The following MAML3 variants were observed in gnomAD, a reference collection of about 807,000 sequenced individuals.
MAML3 encodes the protein mastermind-like protein 3.
MAML3 carries 27 observed loss-of-function variants against 101.9 expected under a neutral mutation model. The ratio of observed to expected loss-of-function variants is 0.27; its 90% CI spans 0.20 to 0.37. The LOEUF (loss-of-function observed/expected upper bound fraction) is 0.37. Among genes scored for constraint, MAML3 ranks in the 10% least tolerant of loss-of-function variants. The pLI, the probability that MAML3 is intolerant of heterozygous loss-of-function variation, is 1.00. For missense variants in MAML3, 1,316 were observed against 1,444.9 expected (o/e 0.91, Z 1.45); for synonymous variants, 501 against 555.9 (o/e 0.90, Z 1.39).
intron 1 of MAML3, among the ~76,000 whole-genome samples, chr4:139,960,763 C>T (rs569853971): frequency 1.2e-4 from 18 of 152,282 alleles, no homozygotes; most frequent in African/African-American, 3.8e-4. Context: ...CGGAGTCCCA[C>T]AGCTGCTTCC....
rs1164066766 is a variant in MAML3 at position 139,829,603 on chromosome 4, T to C, written c.2079+59754A>G. Among the ~76,000 whole-genome samples, 6 of 152,284 alleles carry C rather than the reference T, an allele frequency of 3.9e-5. No individual in the cohort carries two copies. The East Asian group carries it at 1.2e-3, about 29-fold the overall frequency. Reference sequence around the variant, plus strand: ...ATTAGTGACTTGTATACTGGCAGAGTAAGCAGGAAGAATGACAATGACAAG... The same window carrying C: ...ATTAGTGACTTGTATACTGGCAGAGCAAGCAGGAAGAATGACAATGACAAG... On this transcript the variant is annotated intron_variant, in intron 2 of 4. Coordinates refer to ENST00000509479, the MANE Select transcript of MAML3 (RefSeq NM_018717.5).
At chr4:139,914,945 T>C (rs973430545) in intron 1 of MAML3, among the ~76,000 whole-genome samples, 1 of 152,078 alleles carries the variant, frequency 6.6e-6, no homozygotes, top group Non-Finnish European at 1.5e-5. Flanking sequence ...AACTTGAATA[T>C]CAAAAGTCAG....
At chr4:139,970,178 A>G (rs1364297325) in intron 1 of MAML3, among the ~76,000 whole-genome samples, 1 of 152,230 alleles carries the variant, frequency 6.6e-6, no homozygotes, top group African/African-American at 2.4e-5. Context: ...AGTGTTGTGG[A>G]AATGCAAGGA....
chr4:139,870,978 G>T (rs552544617), intron 2 of MAML3, among the ~76,000 whole-genome samples: 1 of 152,340 alleles, frequency 6.6e-6, no homozygotes, highest in African/African-American at 2.4e-5. Context: ...CTAACATGAT[G>T]ATGAGTGGGT....
intron 2 of MAML3, among the ~76,000 whole-genome samples, chr4:139,764,892 C>T (rs1168787544): frequency 6.6e-6 from 1 of 152,092 alleles, no homozygotes; most frequent in Admixed American, 6.6e-5. Context: ...CACACTCCTG[C>T]TTCAGTGACT....
intron 1 of MAML3, among the ~76,000 whole-genome samples, chr4:139,947,142 T>C (rs779153851): frequency 5.3e-5 from 8 of 152,282 alleles, no homozygotes; most frequent in Non-Finnish European, 1.0e-4. Flanking sequence ...AAAATACACA[T>C]ACAGTAGACA....
intron 1 of MAML3, among the ~76,000 whole-genome samples, chr4:140,096,861 G>T (rs193106991): frequency 6.6e-6 from 1 of 151,364 alleles, no homozygotes; most frequent in South Asian, 2.1e-4. Context: ...AGAAAAGGAA[G>T]TTGAGAGAAT....
At chr4:140,149,820 C>T (rs72937717) in intron 1 of MAML3, among the ~76,000 whole-genome samples, 6,467 of 152,130 alleles carry the variant, frequency 0.043, 439 homozygotes, top group African/African-American at 0.15. Flanking sequence ...GTTTTCTTTA[C>T]AACCTCTATT....
At chr4:140,059,559 T>G (rs1727408828) in intron 1 of MAML3, among the ~76,000 whole-genome samples, 1 of 152,234 alleles carries the variant, frequency 6.6e-6, no homozygotes, top group African/African-American at 2.4e-5. Context: ...TAAAAATACT[T>G]ATTATTTTAA....
In MAML3 at chr4:139,988,344, A is replaced by G. The variant is rs965437802; in HGVS notation, c.469-97377T>C. ...TCCGTCTCAAAAAAAAAAAAAAAAAAAAAAAAGAAACAGTGAACTGTCCCA... is the reference window on the plus strand; with the variant it reads ...TCCGTCTCAAAAAAAAAAAAAAAAAGAAAAAAGAAACAGTGAACTGTCCCA... On this transcript the variant is annotated intron_variant, in intron 1 of 4. Transcript: ENST00000509479. 3.8e-4 allele frequency among the ~76,000 whole-genome samples: 57 copies of G among 150,940 alleles called. 3 individuals are homozygous for G. The highest frequency in any genetic ancestry group is 1.3e-4 in the Non-Finnish European group (9 of 67,554).
chr4:139,821,258 G>A (rs34244338), intron 2 of MAML3, among the ~76,000 whole-genome samples: 2,133 of 152,272 alleles, frequency 0.014, 30 homozygotes, highest in Non-Finnish European at 0.023. Flanking sequence ...ACCAGTCCGT[G>A]GCCTGTTAGG....
rs369317516 is a variant in MAML3, at chr4:140,106,339, C to T, written c.468+46521G>A. ...CTAATTGCTCTCAACTATCATAAGC[C>T]CCCATTCTGGTCAATGGATTTATAA... is the stretch of plus-strand genomic sequence containing the variant. On this transcript the variant is annotated intron_variant, in intron 1 of 4. Coordinates refer to ENST00000509479, the MANE Select transcript of MAML3 (RefSeq NM_018717.5). Among the ~76,000 whole-genome samples, 48 of 152,234 alleles carry T rather than the reference C, an allele frequency of 3.2e-4. No homozygotes were observed. The East Asian group carries it at 6.4e-3, about 20-fold the overall frequency.
At chr4:139,992,915 T>G (rs537518625) in intron 1 of MAML3, among the ~76,000 whole-genome samples, 1 of 152,342 alleles carries the variant, frequency 6.6e-6, no homozygotes, top group East Asian at 1.9e-4. Context: ...TCTCCTTGGA[T>G]TTTAATTCAC....
In MAML3 at chr4:139,730,530, C is replaced by T; in HGVS notation, c.2217G>A (p.Met739Ile). 6.4e-7 allele frequency: 1 copy of T among 1,568,606 alleles called. No homozygotes were observed. Among genetic ancestry groups the T allele is most frequent in the Admixed American group, 1.9e-5 (1 of 52,458 alleles). ...FLGSQPQAAI[M>I]KQMLIDQRAQ... ...CCCGCTGATCAATGAGCATCTGCTT[C>T]ATGATGGCTGCTTGGGGCTGGCTGC... Residue 739 changes from methionine to isoleucine, a missense_variant, in exon 3 of 5, where the codon ATG becomes ATA. Transcript: ENST00000509479.
At chr4:139,993,848 T>G (rs192559131) in intron 1 of MAML3, among the ~76,000 whole-genome samples, 9 of 152,236 alleles carry the variant, frequency 5.9e-5, no homozygotes, top group Admixed American at 5.2e-4. Flanking sequence ...AAGTTTTTAA[T>G]TTTTATAAAG....
At chr4:139,911,704 G>A (rs79414467) in intron 1 of MAML3, among the ~76,000 whole-genome samples, 2,832 of 152,194 alleles carry the variant, frequency 0.019, 86 homozygotes, top group African/African-American at 0.063. Flanking sequence ...GAAAGGTAGT[G>A]CCCTTATAAG....
At chr4:140,007,022 G>A (rs149765837) in intron 1 of MAML3, among the ~76,000 whole-genome samples, 295 of 152,276 alleles carry the variant, frequency 1.9e-3, no homozygotes, top group African/African-American at 6.8e-3. Context: ...TAGGATAGAG[G>A]TAGGTGATAG....
chr4:139,943,004 CAA>C (rs1282042136), intron 1 of MAML3, among the ~76,000 whole-genome samples: 1 of 152,094 alleles, frequency 6.6e-6, no homozygotes, highest in Non-Finnish European at 1.5e-5. Context: ...TTTTGTTCAA[CAA>C]AAGCCATATA....
chr4:139,734,500 C>T (rs1205280333), intron 2 of MAML3, among the ~76,000 whole-genome samples: 1 of 152,220 alleles, frequency 6.6e-6, no homozygotes, highest in Non-Finnish European at 1.5e-5. Context: ...TCGCCCAACC[C>T]TCTGACTCTT....
Sources: allele counts gnomAD v4.1 joint callset (sites outside exome capture counted in the v4.1 genomes callset), GRCh38; gene constraint gnomAD v4.1.1; transcripts MANE v1.5; gene names NCBI Gene and HGNC (gene_info 2026-07-23, HGNC 2026-07-21).